The following GUCY1A2 variants were observed in gnomAD, a reference collection of about 807,000 sequenced individuals.
GUCY1A2 encodes the protein guanylate cyclase soluble subunit alpha-2.
A neutral mutation model predicts 63.5 loss-of-function variants in GUCY1A2; 27 were observed. The observed-to-expected ratio is 0.43, with a 90% CI of 0.31 to 0.59. The LOEUF (loss-of-function observed/expected upper bound fraction) is 0.59, where lower values mean the gene tolerates loss of function less well. GUCY1A2 is among the 20% of genes least tolerant of loss of function. The pLI is 0.11. For synonymous variants in GUCY1A2, 364 were observed against 343.5 expected, an observed-to-expected ratio of 1.06 and a Z score of -0.66; for missense variants, 768 against 913.3, an observed-to-expected ratio of 0.84 and a Z score of 2.05.
intron 5 of GUCY1A2, among the ~76,000 whole-genome samples, chr11:106,802,965 C>T (rs1242906103): frequency 6.6e-6 from 1 of 152,098 alleles, no homozygotes; most frequent in Non-Finnish European, 1.5e-5. Context: ...TTTGCAGTTG[C>T]CACCACTCTT....
At chr11:106,790,525 C>A (rs1358122807) in intron 5 of GUCY1A2, among the ~76,000 whole-genome samples, 1 of 151,810 alleles carries the variant, frequency 6.6e-6, no homozygotes, top group Non-Finnish European at 1.5e-5. Context: ...GACAAAGGCC[C>A]TTTTACTTTC....
chr11:106,852,976 T>C (rs963736214), intron 4 of GUCY1A2, among the ~76,000 whole-genome samples: 3 of 152,174 alleles, frequency 2.0e-5, no homozygotes, highest in African/African-American at 7.2e-5. Context: ...TTCTCTTTTC[T>C]CTTGGGCTGT....
At chr11:106,832,114 A>AAAGGACAAATAT (rs1298356065) in intron 4 of GUCY1A2, among the ~76,000 whole-genome samples, 28 of 152,186 alleles carry the variant, frequency 1.8e-4, no homozygotes, top group Non-Finnish European at 3.4e-4. Context: ...ACAAATATGC[A>AAAGGACAAATAT]GTTGGTTTTA....
At chr11:106,967,746 G>GGGAAGGAAGCAA (rs1861144562) in intron 3 of GUCY1A2, among the ~76,000 whole-genome samples, 1 of 143,476 alleles carries the variant, frequency 7.0e-6, no homozygotes, top group Non-Finnish European at 1.5e-5. Flanking sequence ...GAGGGAGGGA[G>GGGAAGGAAGCAA]GGAGGGAAGG....
chr11:106,810,137 C>A lies in GUCY1A2; in HGVS notation c.1548G>T (p.Lys516Asn), dbSNP rs1461085926. The change falls in exon 5 of 8, where the codon AAG (lysine) becomes AAT (asparagine). Residue 516 changes from lysine (K) to asparagine (N), a missense_variant. Physicochemically the swap from Lys to Asn is moderately conservative, Grantham distance 94. This residue lies in a region of GUCY1A2 where 122 missense variants were observed against 238.1 expected (regional missense o/e 0.51). Transcript: ENST00000526355. ...LWQGQQVQAR[K>N]FDDVTMLFSD... ...AAAAGAGCATGGTGACATCATCAAA[C>A]TTTCTGGCCTGTACTTGCTGCCCTT... 6.2e-7 allele frequency: 1 copy of A among 1,614,044 alleles called. No individual in the cohort carries two copies. Among genetic ancestry groups the A allele is most frequent in the African/African-American group, 1.3e-5 (1 of 75,058 alleles).
chr11:106,892,089 G>C (rs1443888197), intron 4 of GUCY1A2, among the ~76,000 whole-genome samples: 2 of 152,036 alleles, frequency 1.3e-5, no homozygotes, highest in Non-Finnish European at 2.9e-5. Context: ...TTGGGGTATA[G>C]AGGACTTGAA....
intron 4 of GUCY1A2, among the ~76,000 whole-genome samples, chr11:106,880,347 G>A (rs974807953): frequency 8.6e-5 from 13 of 151,998 alleles, no homozygotes; most frequent in Non-Finnish European, 1.9e-4. Context: ...CCACGTGAAG[G>A]TTGCCAAGGG....
chr11:106,874,400 G>C (rs1859721124), intron 4 of GUCY1A2, among the ~76,000 whole-genome samples: 1 of 152,056 alleles, frequency 6.6e-6, no homozygotes, highest in African/African-American at 2.4e-5. Context: ...TAATTAAAAG[G>C]TGATCTAATT....
chr11:106,853,161 T>C (rs1859378774), intron 4 of GUCY1A2, among the ~76,000 whole-genome samples: 1 of 152,178 alleles, frequency 6.6e-6, no homozygotes, highest in Non-Finnish European at 1.5e-5. Flanking sequence ...CACCTTTCTG[T>C]ATCTGGATGT....
chr11:106,888,370 C>T (rs1053261694), intron 4 of GUCY1A2, among the ~76,000 whole-genome samples: 3 of 151,608 alleles, frequency 2.0e-5, no homozygotes, highest in Non-Finnish European at 4.4e-5. Context: ...GAGGCTGAGG[C>T]AAGAGAATGG....
intron 4 of GUCY1A2, among the ~76,000 whole-genome samples, chr11:106,872,928 AC>A (rs1315104881): frequency 6.6e-6 from 1 of 150,824 alleles, no homozygotes; most frequent in Non-Finnish European, 1.5e-5. Flanking sequence ...CTCGCCTCCC[AC>A]CCCCGAAGAG....
Position 106,687,484 on chromosome 11 carries a change from C to T in GUCY1A2, c.*65G>A, listed in dbSNP as rs1862546781. The T allele has an allele frequency of 2.7e-6, 3 of 1,129,910 alleles. No individual in the cohort carries two copies. Among genetic ancestry groups the T allele is most frequent in the South Asian group, 2.5e-5 (2 of 78,520 alleles). The allele number at this position is 1,129,910 out of a possible 1,614,324, so 70.0% of individuals were successfully genotyped here. A position where few individuals can be genotyped will look rare whatever the true frequency, so the allele number is the denominator to read the frequency against. ...TGAAAGAGACACAATCTCTTTCCAC[C>T]CCCCATTGGTGACCCATGTTCTGGG... is the stretch of plus-strand genomic sequence containing the variant. On this transcript the variant is annotated 3_prime_UTR_variant, in exon 8 of 8. Transcript: ENST00000526355.
intron 4 of GUCY1A2, among the ~76,000 whole-genome samples, chr11:106,886,597 A>T (rs1859903472): frequency 6.6e-6 from 1 of 152,170 alleles, no homozygotes; most frequent in Non-Finnish European, 1.5e-5. Context: ...AACTGTTTAT[A>T]AACATAAATA....
chr11:106,790,271 A>G (rs952941696), intron 5 of GUCY1A2, among the ~76,000 whole-genome samples: 1 of 152,110 alleles, frequency 6.6e-6, no homozygotes, highest in Non-Finnish European at 1.5e-5. Flanking sequence ...TGTGGCCACC[A>G]CCACCATAGG....
chr11:106,853,502 G>C (rs1003984307), intron 4 of GUCY1A2, among the ~76,000 whole-genome samples: 4 of 151,410 alleles, frequency 2.6e-5, no homozygotes, highest in Admixed American at 1.3e-4. Context: ...ATTTCTGTTT[G>C]GTTCTTTCTT....
intron 4 of GUCY1A2, chr11:106,826,543 A>G (rs140173053): frequency 0.016 from 25,916 of 1,602,776 alleles, 368 homozygotes; most frequent in Middle Eastern, 0.054. Flanking sequence ...TCCATTTTGC[A>G]TGACGACTTT....
At chr11:106,883,374 ATAATG>A (rs1859853005) in intron 4 of GUCY1A2, among the ~76,000 whole-genome samples, 2 of 152,064 alleles carry the variant, frequency 1.3e-5, no homozygotes, top group Non-Finnish European at 2.9e-5. Context: ...TGTATCTATG[ATAATG>A]TATTCATTCA....
chr11:106,968,982 C>T lies in GUCY1A2; in HGVS notation c.487+9637G>A, dbSNP rs549942548. 5.3e-5 allele frequency among the ~76,000 whole-genome samples: 8 copies of T among 152,178 alleles called. No individual in the cohort carries two copies. In the East Asian group the frequency reaches 1.2e-3, roughly 22 times the overall value. On this transcript the variant is annotated intron_variant, in intron 3 of 7. Coordinates refer to ENST00000526355, the MANE Select transcript of GUCY1A2 (RefSeq NM_000855.3). ...CACTCCAAAACACCTATAAAAATCA[C>T]CCATGATACATAAGAGTCCATAGCT... is the stretch of plus-strand genomic sequence containing the variant.
chr11:106,814,154 G>C (rs190419914), intron 4 of GUCY1A2, among the ~76,000 whole-genome samples: 100 of 152,206 alleles, frequency 6.6e-4, no homozygotes, highest in Non-Finnish European at 9.9e-4. Context: ...CAGTTGAAAA[G>C]AGAGAAGTTG....
Sources: allele counts gnomAD v4.1 joint callset (sites outside exome capture counted in the v4.1 genomes callset), GRCh38; gene constraint gnomAD v4.1.1; regional missense constraint gnomAD v4.1.1; transcripts MANE v1.5; gene names NCBI Gene and HGNC (gene_info 2026-07-23, HGNC 2026-07-21).